Variants in LRMDA observed in about 807,000 individuals in gnomAD.
The protein encoded by LRMDA is leucine rich melanocyte differentiation associated.
A neutral mutation model predicts 29.8 loss-of-function variants in LRMDA; 18 were observed. That is an observed-to-expected ratio of 0.60 (90% confidence interval 0.42 to 0.90). The LOEUF is 0.90. Ranked by LOEUF, LRMDA falls within the 40% of genes least tolerant of loss-of-function variation. The pLI, the probability that LRMDA is intolerant of heterozygous loss-of-function variation, is 0.00. For missense variants in LRMDA, 273 were observed against 273.9 expected (o/e 1.00, Z 0.02); for synonymous variants, 125 against 109.4 (o/e 1.14, Z -0.89).
chr10:76,448,736 A>C (rs1842377289), intron 6 of LRMDA, among the ~76,000 whole-genome samples: 1 of 151,764 alleles, frequency 6.6e-6, no homozygotes, highest in South Asian at 2.1e-4. Flanking sequence ...TTTTGCTTAC[A>C]TGCATTTTTT....
intron 6 of LRMDA, chr10:76,403,206 T>A (rs1326546294): frequency 6.6e-6 from 1 of 151,788 alleles, no homozygotes; most frequent in Non-Finnish European, 1.5e-5. Flanking sequence ...AAAAAAATTA[T>A]ACTCCACTGT....
chr10:76,143,460 T>G (rs1328329785), intron 5 of LRMDA, among the ~76,000 whole-genome samples: 4 of 152,224 alleles, frequency 2.6e-5, no homozygotes, highest in Admixed American at 6.5e-5. Flanking sequence ...GAGCATTTTT[T>G]CATGTGTTTT....
chr10:75,764,640 A>G (rs1380793830), intron 2 of LRMDA, among the ~76,000 whole-genome samples: 3 of 152,216 alleles, frequency 2.0e-5, no homozygotes, highest in African/African-American at 7.2e-5. Flanking sequence ...GCAGGGCATC[A>G]GTAATCTTTG....
chr10:75,846,002 G>A (rs1172632000), intron 2 of LRMDA, among the ~76,000 whole-genome samples: 3 of 152,072 alleles, frequency 2.0e-5, no homozygotes, highest in African/African-American at 7.2e-5. Context: ...TGCTGCTATT[G>A]TTTTACTTTG....
At chr10:76,397,523 G>T (rs1342585370) in intron 6 of LRMDA, among the ~76,000 whole-genome samples, 4 of 152,294 alleles carry the variant, frequency 2.6e-5, no homozygotes, top group African/African-American at 9.6e-5. Flanking sequence ...AGCTTGGCTG[G>T]ACATAAAAGT....
intron 5 of LRMDA, among the ~76,000 whole-genome samples, chr10:76,229,170 G>T (rs1852014083): frequency 6.6e-6 from 1 of 152,190 alleles, no homozygotes; most frequent in Admixed American, 6.5e-5. Flanking sequence ...GGGCGAGAAC[G>T]TCTGTTGAGG....
chr10:76,316,107 C>T (rs1223398743), intron 5 of LRMDA, among the ~76,000 whole-genome samples: 1 of 152,176 alleles, frequency 6.6e-6, no homozygotes, highest in African/African-American at 2.4e-5. Flanking sequence ...AGGGCTGAAA[C>T]ACGCCTCTCC....
chr10:76,367,225 A>G (rs567830201), intron 6 of LRMDA, among the ~76,000 whole-genome samples: 1 of 152,026 alleles, frequency 6.6e-6, no homozygotes, highest in Non-Finnish European at 1.5e-5. Context: ...TTTTTTGGCT[A>G]TGTGCTTTCC....
chr10:76,511,841 CT>C (rs139260230), intron 6 of LRMDA, among the ~76,000 whole-genome samples: 5,621 of 144,000 alleles, frequency 0.039, 172 homozygotes, highest in African/African-American at 0.083. Flanking sequence ...TCTCAGCTGG[CT>C]TTTTTTTTTT....
chr10:75,628,908 C>T (rs1841285237), intron 2 of LRMDA, among the ~76,000 whole-genome samples: 1 of 152,208 alleles, frequency 6.6e-6, no homozygotes, highest in African/African-American at 2.4e-5. Flanking sequence ...CCTTAGAGTA[C>T]CCAAGAAAGC....
chr10:75,930,458 G>A (rs1393934015), intron 2 of LRMDA, among the ~76,000 whole-genome samples: 1 of 152,062 alleles, frequency 6.6e-6, no homozygotes, highest in African/African-American at 2.4e-5. Flanking sequence ...TAAAATATAT[G>A]TAATGTATGA....
chr10:76,014,108 ATATATATATATATATAAT>A (rs1162311407), intron 2 of LRMDA, among the ~76,000 whole-genome samples: 10 of 121,182 alleles, frequency 8.3e-5, no homozygotes, highest in Middle Eastern at 4.3e-3. Flanking sequence ...AAAAAAAAGT[ATATATATATATATATAAT>A]TATATATATA....
At chr10:75,867,664 A>C (rs1216207748) in intron 2 of LRMDA, among the ~76,000 whole-genome samples, 1 of 152,178 alleles carries the variant, frequency 6.6e-6, no homozygotes, top group African/African-American at 2.4e-5. Flanking sequence ...TTATCCCTAA[A>C]AACCCCATTT....
intron 5 of LRMDA, among the ~76,000 whole-genome samples, chr10:76,153,109 G>A (rs1054496787): frequency 1.3e-5 from 2 of 152,114 alleles, no homozygotes; most frequent in Admixed American, 1.3e-4. Flanking sequence ...AAAGTGCTGG[G>A]ATTACAGGCA....
intron 5 of LRMDA, among the ~76,000 whole-genome samples, chr10:76,090,211 G>T (rs1485205604): frequency 1.3e-5 from 2 of 152,210 alleles, no homozygotes; most frequent in Non-Finnish European, 2.9e-5. Flanking sequence ...TGCCTGGACT[G>T]CCTTTCTGGA....
intron 2 of LRMDA, among the ~76,000 whole-genome samples, chr10:75,660,413 G>A (rs996510064): frequency 3.3e-5 from 5 of 152,156 alleles, no homozygotes; most frequent in Non-Finnish European, 5.9e-5. Context: ...GGCGCCTGCC[G>A]GACGGCTCTG....
chr10:75,803,149 C>T (rs1382130139), intron 2 of LRMDA, among the ~76,000 whole-genome samples: 1 of 152,100 alleles, frequency 6.6e-6, no homozygotes, highest in Non-Finnish European at 1.5e-5. Context: ...AGAGCACAGC[C>T]TGAGAGCTGG....
chr10:75,878,407 T>C (rs1263747653), intron 2 of LRMDA, among the ~76,000 whole-genome samples: 1 of 151,808 alleles, frequency 6.6e-6, no homozygotes, highest in Admixed American at 6.6e-5. Context: ...GGTCTTCCCC[T>C]GGGGTAGGGC....
chr10:75,816,817 T>G (rs75109721), intron 2 of LRMDA, among the ~76,000 whole-genome samples: 2,017 of 152,292 alleles, frequency 0.013, 51 homozygotes, highest in African/African-American at 0.046. Flanking sequence ...CACAGCTCCC[T>G]CTTCAACTTT....
Sources: allele counts gnomAD v4.1 joint callset (sites outside exome capture counted in the v4.1 genomes callset), GRCh38; gene constraint gnomAD v4.1.1; transcripts MANE v1.5; gene names NCBI Gene and HGNC (gene_info 2026-07-23, HGNC 2026-07-21).